Variants in MTCL1 observed in about 807,000 individuals in gnomAD.
MTCL1 encodes microtubule crosslinking factor 1, also known as microtubule cross-linking factor 1.
Under a neutral mutation model 141.4 loss-of-function variants are expected in MTCL1, and 79 were observed. The observed-to-expected ratio is 0.56, with a 90% confidence interval of 0.47 to 0.67. The LOEUF (loss-of-function observed/expected upper bound fraction) is 0.67, where lower values mean the gene tolerates loss of function less well. Ranked by LOEUF, MTCL1 falls within the 30% of genes least tolerant of loss-of-function variation. The pLI, the probability that MTCL1 is intolerant of heterozygous loss-of-function variation, is 0.00. For synonymous variants in MTCL1, 914 were observed against 875.8 expected, an observed-to-expected ratio of 1.04 and a Z score of -0.77; for missense variants, 2,177 against 2,113.9, an observed-to-expected ratio of 1.03 and a Z score of -0.59.
At chr18:8,803,512 T>A (rs1375780384) in intron 10 of MTCL1, among the ~76,000 whole-genome samples, 1 of 152,246 alleles carries the variant, frequency 6.6e-6, no homozygotes, top group Non-Finnish European at 1.5e-5. Context: ...ATCATGCCTA[T>A]CTACGGCCCA....
chr18:8,832,005 T>TA (rs1480393535), exon 17 of MTCL1: 2 of 661,526 alleles, frequency 3.0e-6, no homozygotes, highest in East Asian at 5.5e-5. Flanking sequence ...TGTAATAACT[T>TA]AATTTTTTTC....
chr18:8,797,530 G>A (rs558788346), intron 9 of MTCL1, among the ~76,000 whole-genome samples: 2 of 152,192 alleles, frequency 1.3e-5, no homozygotes, highest in East Asian at 3.8e-4. Flanking sequence ...ACTGACCCTG[G>A]CTTCTTGGCC....
rs753914499 is a variant in MTCL1 at position 8,826,088 on chromosome 18, C to T, written c.4578C>T (p.Leu1526=). 7 of 1,611,018 alleles carry T rather than the reference C, an allele frequency of 4.3e-6. No homozygotes were observed. In the South Asian group the frequency reaches 4.4e-5, roughly 10 times the overall value. ...TATCTGCTCCCCCTGGCTACACGCT[C>T]ACTGAGAACGTGGCCCGGATCCTCA... The change falls in exon 15 of 17, where the codon CTC becomes CTT. Residue 1526 remains leucine (L), a synonymous_variant. Coordinates refer to ENST00000359865, the Ensembl canonical transcript of MTCL1.
chr18:8,807,479 G>T (rs1314802975), intron 11 of MTCL1, among the ~76,000 whole-genome samples: 2 of 152,182 alleles, frequency 1.3e-5, no homozygotes, highest in Non-Finnish European at 2.9e-5. Flanking sequence ...AATATCAAAA[G>T]AACTTGGAGA....
chr18:8,781,527 T>C (rs2096532658), intron 5 of MTCL1, among the ~76,000 whole-genome samples: 1 of 152,188 alleles, frequency 6.6e-6, no homozygotes, highest in East Asian at 1.9e-4. Context: ...AAAAAGACTC[T>C]TTACCGGCTC....
Position 8,785,927 on chromosome 18 carries a change from A to G in MTCL1, c.1732-9A>G, listed in dbSNP as rs761539951. ...CAACAACAACAAATTCCTCCCGTGC[A>G]CCTAACAGTCCAGACTGAAAGAGCA... On this transcript the variant is annotated splice_polypyrimidine_tract_variant and intron_variant, in intron 6 of 16. Coordinates refer to ENST00000359865, the Ensembl canonical transcript of MTCL1. 1 of 1,575,254 alleles carries G rather than the reference A, an allele frequency of 6.3e-7. No homozygotes were observed.
At chr18:8,783,213 G>A (rs559638171) in intron 5 of MTCL1, among the ~76,000 whole-genome samples, 1 of 152,020 alleles carries the variant, frequency 6.6e-6, no homozygotes, top group Non-Finnish European at 1.5e-5. Flanking sequence ...GCCTCATTTC[G>A]TTTTCCCTTC....
At chr18:8,818,431 G>A (rs908254815) in intron 12 of MTCL1, among the ~76,000 whole-genome samples, 1 of 150,994 alleles carries the variant, frequency 6.6e-6, no homozygotes, top group Non-Finnish European at 1.5e-5. Flanking sequence ...TGTAAGTTAT[G>A]TTTAACACCA....
intron 4 of MTCL1, among the ~76,000 whole-genome samples, chr18:8,721,592 C>A (rs1365539294): frequency 6.6e-6 from 1 of 152,196 alleles, no homozygotes; most frequent in African/African-American, 2.4e-5. Context: ...ACCTGTGGCT[C>A]ATTCCCTTAT....
At chr18:8,757,223 C>T (rs1451431056) in intron 4 of MTCL1, among the ~76,000 whole-genome samples, 1 of 152,132 alleles carries the variant, frequency 6.6e-6, no homozygotes, top group Non-Finnish European at 1.5e-5. Flanking sequence ...TCAGAATTTC[C>T]AGGAGTCTAG....
intron 4 of MTCL1, among the ~76,000 whole-genome samples, chr18:8,754,644 T>C (rs1025995538): frequency 6.6e-6 from 1 of 152,220 alleles, no homozygotes; most frequent in African/African-American, 2.4e-5. Flanking sequence ...ATGCAGAGTT[T>C]TAAATTTGTA....
chr18:8,774,043 G>T (rs1211162536), intron 4 of MTCL1, among the ~76,000 whole-genome samples: 1 of 152,206 alleles, frequency 6.6e-6, no homozygotes, highest in African/African-American at 2.4e-5. Context: ...CCAACAGTTT[G>T]TCACTAGTGC....
At chr18:8,746,758 G>A (rs2096340781) in intron 4 of MTCL1, among the ~76,000 whole-genome samples, 2 of 152,186 alleles carry the variant, frequency 1.3e-5, no homozygotes, top group Admixed American at 1.3e-4. Context: ...GGCCTGGGCA[G>A]TGATGGATGT....
At chr18:8,827,652 G>A (rs926095233) in intron 15 of MTCL1, among the ~76,000 whole-genome samples, 17 of 152,178 alleles carry the variant, frequency 1.1e-4, no homozygotes, top group African/African-American at 3.9e-4. Flanking sequence ...ATATGTGAGT[G>A]CCCTGCCTTC....
chr18:8,788,458 A>G (rs771211682), intron 7 of MTCL1, among the ~76,000 whole-genome samples: 12 of 152,228 alleles, frequency 7.9e-5, no homozygotes, highest in Non-Finnish European at 1.5e-4. Flanking sequence ...CTGCACTTAC[A>G]AAATGCCTCT....
At chr18:8,773,710 A>G (rs903165105) in intron 4 of MTCL1, among the ~76,000 whole-genome samples, 4 of 152,102 alleles carry the variant, frequency 2.6e-5, no homozygotes, top group Non-Finnish European at 5.9e-5. Flanking sequence ...TTATCTGTAT[A>G]TAGTGTGTGT....
chr18:8,806,321 G>A (rs1182049905), intron 10 of MTCL1, among the ~76,000 whole-genome samples: 1 of 152,146 alleles, frequency 6.6e-6, no homozygotes, highest in African/African-American at 2.4e-5. Flanking sequence ...ACCAATCGGA[G>A]TCTGATTACC....
chr18:8,812,583 T>C (rs1430578422), intron 11 of MTCL1, among the ~76,000 whole-genome samples: 1 of 152,240 alleles, frequency 6.6e-6, no homozygotes, highest in East Asian at 1.9e-4. Context: ...TTTAACCTCC[T>C]GGGTATTTGA....
intron 4 of MTCL1, among the ~76,000 whole-genome samples, chr18:8,750,508 C>G (rs1013630599): frequency 2.6e-5 from 4 of 152,180 alleles, no homozygotes; most frequent in African/African-American, 9.7e-5. Flanking sequence ...CGGGCCAGTG[C>G]ATTCTGCGCT....
Sources: allele counts gnomAD v4.1 joint callset (sites outside exome capture counted in the v4.1 genomes callset), GRCh38; gene constraint gnomAD v4.1.1; transcripts MANE v1.5; gene names NCBI Gene and HGNC (gene_info 2026-07-23, HGNC 2026-07-21).